Variants in CDK14 observed in about 807,000 individuals in gnomAD.
CDK14 encodes cyclin-dependent kinase 14.
Under a neutral mutation model 60.7 loss-of-function variants are expected in CDK14, and 34 were observed. The ratio of observed to expected loss-of-function variants is 0.56; its 90% confidence interval spans 0.43 to 0.75. CDK14 has a LOEUF of 0.75. Among genes scored for constraint, CDK14 ranks in the 30% least tolerant of loss-of-function variants. The pLI is 0.00. For missense variants in CDK14, 482 were observed against 564.1 expected (o/e 0.85, Z 1.47); for synonymous variants, 197 against 203.7 (o/e 0.97, Z 0.28).
At chr7:90,976,208 A>G (rs886624152) in intron 9 of CDK14, among the ~76,000 whole-genome samples, 11 of 152,028 alleles carry the variant, frequency 7.2e-5, no homozygotes, top group African/African-American at 1.2e-4. Context: ...TCTTTTTCTT[A>G]ATGGCCATCA....
At chr7:91,091,020 GTA>G (rs139162527) in intron 12 of CDK14, among the ~76,000 whole-genome samples, 1 of 145,638 alleles carries the variant, frequency 6.9e-6, no homozygotes, top group Non-Finnish European at 1.5e-5. Flanking sequence ...GTGTGTGTGT[GTA>G]TGAGCAGCTG....
intron 4 of CDK14, among the ~76,000 whole-genome samples, chr7:90,786,289 G>C (rs1021522457): frequency 6.6e-6 from 1 of 152,064 alleles, no homozygotes; most frequent in Non-Finnish European, 1.5e-5. Flanking sequence ...CTGAATTAAC[G>C]TCTCCACTGG....
At chr7:90,801,078 A>G (rs898350190) in intron 5 of CDK14, among the ~76,000 whole-genome samples, 1 of 152,130 alleles carries the variant, frequency 6.6e-6, no homozygotes, top group Non-Finnish European at 1.5e-5. Flanking sequence ...AAATAAGGTC[A>G]CCTTCTGAGG....
At chr7:91,032,764 G>C (rs1796800155) in intron 10 of CDK14, among the ~76,000 whole-genome samples, 1 of 152,172 alleles carries the variant, frequency 6.6e-6, no homozygotes, top group Non-Finnish European at 1.5e-5. Flanking sequence ...CTGTGAGAGA[G>C]CACATTTCTC....
intron 5 of CDK14, among the ~76,000 whole-genome samples, chr7:90,830,057 G>A (rs1789865265): frequency 6.6e-6 from 1 of 152,162 alleles, no homozygotes; most frequent in Non-Finnish European, 1.5e-5. Context: ...GGGGTCTGGA[G>A]AACAGCGGCC....
chr7:91,173,359 T>G (rs1801591614), intron 14 of CDK14, among the ~76,000 whole-genome samples: 1 of 151,780 alleles, frequency 6.6e-6, no homozygotes, highest in Non-Finnish European at 1.5e-5. Flanking sequence ...CTAGGGAGGT[T>G]GGAGCAATGG....
chr7:90,703,213 A>G (rs1263811761), intron 2 of CDK14, among the ~76,000 whole-genome samples: 1 of 152,112 alleles, frequency 6.6e-6, no homozygotes, highest in Non-Finnish European at 1.5e-5. Context: ...TGCTATCCCA[A>G]GGATTTTATG....
chr7:91,097,948 G>A (rs1416747182), intron 12 of CDK14, among the ~76,000 whole-genome samples: 1 of 152,218 alleles, frequency 6.6e-6, no homozygotes, highest in African/African-American at 2.4e-5. Flanking sequence ...TCACCAGGTA[G>A]TTGGTTCAGT....
intron 2 of CDK14, among the ~76,000 whole-genome samples, chr7:90,691,328 G>A (rs1239948243): frequency 1.3e-5 from 2 of 151,852 alleles, no homozygotes; most frequent in African/African-American, 4.8e-5. Flanking sequence ...AGAGAAGGGG[G>A]GTATAGGAAA....
intron 11 of CDK14, among the ~76,000 whole-genome samples, chr7:91,058,215 G>T (rs1337840864): frequency 2.0e-5 from 3 of 151,736 alleles, no homozygotes; most frequent in African/African-American, 4.9e-5. Flanking sequence ...TTTGTCTGTT[G>T]TTGGTGTATA....
intron 4 of CDK14, among the ~76,000 whole-genome samples, chr7:90,750,058 A>C (rs1409289910): frequency 1.3e-5 from 2 of 152,108 alleles, no homozygotes; most frequent in East Asian, 1.9e-4. Flanking sequence ...GCTGATAGAA[A>C]TGCATAGGGC....
chr7:90,725,208 T>C (rs1802590775), intron 2 of CDK14, among the ~76,000 whole-genome samples: 1 of 152,310 alleles, frequency 6.6e-6, no homozygotes. Context: ...ATATTTATTA[T>C]AAAATTCACA....
intron 2 of CDK14, among the ~76,000 whole-genome samples, chr7:90,612,925 T>G (rs1799575319): frequency 6.6e-6 from 1 of 152,126 alleles, no homozygotes; most frequent in Non-Finnish European, 1.5e-5. Context: ...ATCCAGAAAG[T>G]CATTATATTT....
chr7:90,644,696 C>T (rs1800421515), intron 2 of CDK14, among the ~76,000 whole-genome samples: 1 of 152,184 alleles, frequency 6.6e-6, no homozygotes, highest in African/African-American at 2.4e-5. Flanking sequence ...TCTAGGGGCA[C>T]CTCTGGTGAT....
intron 2 of CDK14, among the ~76,000 whole-genome samples, chr7:90,669,571 G>A (rs10237130): frequency 1 from 152,356 of 152,356 alleles, 76,178 homozygotes; most frequent in Non-Finnish European, 1. Flanking sequence ...TCTATTTATA[G>A]AACCAACATG....
At chr7:91,185,955 T>C (rs1802165116) in intron 14 of CDK14, among the ~76,000 whole-genome samples, 1 of 152,132 alleles carries the variant, frequency 6.6e-6, no homozygotes, top group African/African-American at 2.4e-5. Flanking sequence ...TTTCTGTTTA[T>C]GTGGATTTAC....
chr7:90,744,902 C>T (rs1374127105), intron 3 of CDK14, among the ~76,000 whole-genome samples: 1 of 152,004 alleles, frequency 6.6e-6, no homozygotes, highest in African/African-American at 2.4e-5. Context: ...AGGGGCTCCT[C>T]AACTTTATTC....
In CDK14 at chr7:90,673,463, A is replaced by G. The variant is rs1488080955; in HGVS notation, c.124-53104A>G. On this transcript the variant is annotated intron_variant, in intron 2 of 14. Coordinates refer to ENST00000380050, the MANE Select transcript of CDK14 (RefSeq NM_001287135.2). ...GCCCAGGCTGGAGTGCTGTGGCACA[A>G]TCACAGCCCACCCGGTGGCACAGTC... 4.0e-5 allele frequency among the ~76,000 whole-genome samples: 6 copies of G among 151,706 alleles called. No individual in the cohort carries two copies. In the East Asian group the frequency reaches 5.8e-4, roughly 15 times the overall value.
chr7:90,645,656 T>C lies in CDK14; in HGVS notation c.123+41407T>C, dbSNP rs187137709. 2.8e-3 allele frequency among the ~76,000 whole-genome samples: 421 copies of C among 152,298 alleles called. 1 individual carries two copies. Among genetic ancestry groups the C allele is most frequent in the Non-Finnish European group, 4.1e-3 (280 of 68,030 alleles). On this transcript the variant is annotated intron_variant, in intron 2 of 14. Coordinates refer to ENST00000380050, the MANE Select transcript of CDK14 (RefSeq NM_001287135.2). ...TCAGTCTTTTAAAAGTAGGTCCTAC[T>C]ACATACTTGATAACACTTAAAATGA...
Sources: gnomAD v4.1 joint callset for allele counts (sites outside exome capture counted in the v4.1 genomes callset) on GRCh38, gnomAD v4.1.1 for gene constraint, MANE v1.5 for transcripts, NCBI Gene and HGNC (gene_info 2026-07-23, HGNC 2026-07-21) for gene names.